BAIAP2L1: variants seen among roughly 807,000 people sequenced by gnomAD.
The protein encoded by BAIAP2L1 is BAR/IMD domain-containing adapter protein 2-like 1.
A neutral mutation model predicts 66.3 loss-of-function variants in BAIAP2L1; 35 were observed. The observed-to-expected ratio is 0.53, with a 90% CI of 0.40 to 0.70. The LOEUF is 0.70. Among genes scored for constraint, BAIAP2L1 ranks in the 30% least tolerant of loss-of-function variants. The pLI is 0.00. For synonymous variants in BAIAP2L1, 269 were observed against 248.7 expected (o/e 1.08, Z -0.77); for missense variants, 622 against 656.9 (o/e 0.95, Z 0.58).
At chr7:98,397,473 C>T (rs1009349531) in intron 1 of BAIAP2L1, among the ~76,000 whole-genome samples, 10 of 151,980 alleles carry the variant, frequency 6.6e-5, no homozygotes, top group African/African-American at 1.9e-4. Flanking sequence ...TACAGGCACG[C>T]GCCACCACAC....
At chr7:98,379,703 G>C (rs897432478) in intron 1 of BAIAP2L1, among the ~76,000 whole-genome samples, 1 of 152,126 alleles carries the variant, frequency 6.6e-6, no homozygotes, top group Non-Finnish European at 1.5e-5. Context: ...TGAACAAAAC[G>C]TGGTATATCC....
intron 12 of BAIAP2L1, among the ~76,000 whole-genome samples, chr7:98,296,236 G>A (rs1368061827): frequency 2.6e-5 from 4 of 152,254 alleles, no homozygotes; most frequent in African/African-American, 4.8e-5. Context: ...TGATCGTGGG[G>A]GCCGGGAACG....
chr7:98,359,745 G>T (rs1239808911), intron 2 of BAIAP2L1, among the ~76,000 whole-genome samples: 42 of 109,064 alleles, frequency 3.9e-4, no homozygotes, highest in African/African-American at 1.4e-3. Flanking sequence ...GTAGACCTGG[G>T]TTTTTTTTTT....
intron 12 of BAIAP2L1, 108 bp from the exon 13 acceptor site, chr7:98,294,219 C>A (rs1323282018): frequency 1.7e-6 from 2 of 1,177,480 alleles, no homozygotes; most frequent in East Asian, 2.6e-5. Context: ...TTTCGAACTC[C>A]TGAGCTCACG....
chr7:98,383,826 C>T (rs1011446076), intron 1 of BAIAP2L1, among the ~76,000 whole-genome samples: 1 of 152,124 alleles, frequency 6.6e-6, no homozygotes, highest in African/African-American at 2.4e-5. Context: ...GAGCCCACCC[C>T]ATCCTGGACC....
intron 3 of BAIAP2L1, among the ~76,000 whole-genome samples, chr7:98,321,995 C>T (rs1801261469): frequency 1.3e-5 from 2 of 152,116 alleles, no homozygotes; most frequent in Admixed American, 1.3e-4. Flanking sequence ...ACTTGGGAGG[C>T]TGAGGTGGGA....
At chr7:98,394,457 A>G (rs1209362075) in intron 1 of BAIAP2L1, among the ~76,000 whole-genome samples, 5 of 152,118 alleles carry the variant, frequency 3.3e-5, no homozygotes. Context: ...CCAAGGTTAC[A>G]TACACCCTAC....
At chr7:98,314,244 A>G (rs1048572251) in intron 7 of BAIAP2L1, among the ~76,000 whole-genome samples, 4 of 152,060 alleles carry the variant, frequency 2.6e-5, no homozygotes, top group African/African-American at 7.2e-5. Flanking sequence ...TGGTCTCCCA[A>G]AGTGCTGGGA....
chr7:98,338,421 T>TAA lies in BAIAP2L1; in HGVS notation c.214+16619_214+16620dup, dbSNP rs35420774. Among the ~76,000 whole-genome samples, 815 of 131,414 alleles carry TAA rather than the reference T, an allele frequency of 6.2e-3. 6 individuals carry two copies. Among genetic ancestry groups the TAA allele is most frequent in the African/African-American group, 0.021 (745 of 34,916 alleles). The allele number at this position is 131,414 out of a possible 152,430, so 86.2% of individuals were successfully genotyped here. A position where few individuals can be genotyped will look rare whatever the true frequency, so the allele number is the denominator to read the frequency against. ...TGGGCCACAGAGCAAGACTCCGTCTTAAAAAAAAAAAAAAAAAAAGACATG... is the reference window on the plus strand; with the variant it reads ...TGGGCCACAGAGCAAGACTCCGTCTTAAAAAAAAAAAAAAAAAAAAAGACATG... On this transcript the variant is annotated intron_variant, in intron 3 of 13. Coordinates refer to ENST00000005260, the MANE Select transcript of BAIAP2L1 (RefSeq NM_018842.5).
chr7:98,304,312 G>T lies in BAIAP2L1; in HGVS notation c.1306C>A (p.Pro436Thr), dbSNP rs955387574. 4 of 1,613,402 alleles carry T rather than the reference G, an allele frequency of 2.5e-6. No individual in the cohort carries two copies. The highest frequency in any genetic ancestry group is 4.5e-5 in the East Asian group (2 of 44,826). Residue 436 changes from proline to threonine, a missense_variant, in exon 12 of 14, where the codon CCA (proline) becomes ACA (threonine). By Grantham distance (38) the Pro-to-Thr change is conservative. Transcript: ENST00000005260. ...LSENSSVVIPPPDYLECLSMG... is the reference protein window; with the variant it reads ...LSENSSVVIPTPDYLECLSMG... ...GACAAGCATTCCAAGTAGTCGGGTG[G>T]GGGGATGACAACACTGCTATTCTCA...
chr7:98,375,955 C>A (rs1802618008), intron 1 of BAIAP2L1, among the ~76,000 whole-genome samples: 1 of 152,128 alleles, frequency 6.6e-6, no homozygotes, highest in Non-Finnish European at 1.5e-5. Flanking sequence ...TATATTTTCA[C>A]ACACACGTAT....
At chr7:98,355,557 A>G in intron 2 of BAIAP2L1, 1 of 52,010 alleles carries the variant, frequency 1.9e-5, no homozygotes, top group South Asian at 3.3e-4. Context: ...CCGCCTCTAC[A>G]AAAAAAAAAA....
chr7:98,385,698 GC>G, intron 1 of BAIAP2L1: 1 of 1,001,270 alleles, frequency 1.0e-6, no homozygotes, highest in Non-Finnish European at 1.5e-6. Flanking sequence ...ATAGGCAGGA[GC>G]CCCCACACCC....
intron 1 of BAIAP2L1, among the ~76,000 whole-genome samples, chr7:98,371,732 A>G (rs1278611477): frequency 6.6e-6 from 1 of 152,214 alleles, no homozygotes. Flanking sequence ...CATTAATTCA[A>G]TTATGACTAG....
In BAIAP2L1 at chr7:98,306,466, G is replaced by A. The variant is rs1426417340; in HGVS notation, c.1214C>T (p.Thr405Ile). 1 of 1,614,184 alleles carries A rather than the reference G, an allele frequency of 6.2e-7. No individual in the cohort carries two copies. The change falls in exon 11 of 14, where the codon ACA (threonine) becomes ATA (isoleucine). Residue 405 changes from threonine (T) to isoleucine (I), a missense_variant. Thr to Ile is a moderately conservative substitution (Grantham distance 89, BLOSUM62 -1). Coordinates refer to ENST00000005260, the MANE Select transcript of BAIAP2L1 (RefSeq NM_018842.5). ...TGGCGTGGGCACGGTCACTGCTTCT[G>A]TCTCATTTTCTTCCAGCAACTTCGT... ...SYTKLLEENE[T>I]EAVTVPTPSP...
intron 12 of BAIAP2L1, among the ~76,000 whole-genome samples, chr7:98,297,281 C>T (rs1415419263): frequency 6.6e-6 from 1 of 152,232 alleles, no homozygotes; most frequent in African/African-American, 2.4e-5. Context: ...ACCCCCTTCC[C>T]GACTGTACGG....
intron 1 of BAIAP2L1, chr7:98,386,633 C>A: frequency 7.1e-7 from 1 of 1,401,262 alleles, no homozygotes; most frequent in Non-Finnish European, 9.5e-7. Flanking sequence ...CTACAATGTT[C>A]TTTCCGAGAA....
intron 1 of BAIAP2L1, among the ~76,000 whole-genome samples, chr7:98,371,100 TTTTAA>T (rs1415889132): frequency 3.9e-5 from 6 of 152,184 alleles, no homozygotes; most frequent in East Asian, 1.9e-4. Context: ...AACAAATCCA[TTTTAA>T]TTTAAGTTTG....
chr7:98,293,447 C>A lies in BAIAP2L1; in HGVS notation c.*74G>T. ...CACTGAAGCTTCCCGACCGTCAGCA[C>A]GTGGCAGACAGGATGCGCCCATCAT... On this transcript the variant is annotated 3_prime_UTR_variant, in exon 14 of 14. Transcript: ENST00000005260. 1 of 1,383,884 alleles carries A rather than the reference C, an allele frequency of 7.2e-7. No individual in the cohort carries two copies. The highest frequency in any genetic ancestry group is 1.0e-6 in the Non-Finnish European group (1 of 975,778). The allele number at this position is 1,383,884 out of a possible 1,614,324, so 85.7% of individuals were successfully genotyped here. A position where few individuals can be genotyped will look rare whatever the true frequency, so the allele number is the denominator to read the frequency against.
Sources: allele counts gnomAD v4.1 joint callset (sites outside exome capture counted in the v4.1 genomes callset), GRCh38; gene constraint gnomAD v4.1.1; transcripts MANE v1.5; gene names NCBI Gene and HGNC (gene_info 2026-07-23, HGNC 2026-07-21).